The following MARCHF5 variants were observed in gnomAD, a reference collection of about 807,000 sequenced individuals.
The protein encoded by MARCHF5 is membrane associated ring-CH-type finger 5, also known as E3 ubiquitin-protein ligase MARCHF5.
MARCHF5 carries 5 observed loss-of-function variants against 36.5 expected under a neutral mutation model. The ratio of observed to expected loss-of-function variants is 0.14; its 90% confidence interval spans 0.07 to 0.29. The LOEUF (loss-of-function observed/expected upper bound fraction) is 0.29, where lower values mean the gene tolerates loss of function less well. Among genes scored for constraint, MARCHF5 ranks in the 10% least tolerant of loss-of-function variants. The probability of loss-of-function intolerance (pLI) is 1.00; values close to 1 mark genes in which losing one functional copy is unlikely to be tolerated. For synonymous variants in MARCHF5, 103 were observed against 109.9 expected (o/e 0.94, Z 0.39); for missense variants, 179 against 336.3 (o/e 0.53, Z 3.66).
intron 1 of MARCHF5, among the ~76,000 whole-genome samples, chr10:92,302,173 T>TC (rs1843023440): frequency 6.6e-6 from 1 of 152,208 alleles, no homozygotes. Context: ...CTCTTTTTTT[T>TC]CCAAATGTAT....
chr10:92,314,475 C>T (rs1262808971), intron 2 of MARCHF5, among the ~76,000 whole-genome samples: 1 of 152,034 alleles, frequency 6.6e-6, no homozygotes, highest in Non-Finnish European at 1.5e-5. Context: ...AACCTTGTGT[C>T]TACTAAAAAT....
Position 92,291,201 on chromosome 10 carries a change from T to G in MARCHF5, c.-294T>G, listed in dbSNP as rs897099535. 3 of 510,336 alleles carry G rather than the reference T, an allele frequency of 5.9e-6. No homozygotes were observed. Among genetic ancestry groups the G allele is most frequent in the Admixed American group, 4.1e-5 (1 of 24,558 alleles). The allele number at this position is 510,336 out of a possible 1,614,324, so 31.6% of individuals were successfully genotyped here. A position where few individuals can be genotyped will look rare whatever the true frequency, so the allele number is the denominator to read the frequency against. On this transcript the variant is annotated 5_prime_UTR_variant, in exon 1 of 6. Transcript: ENST00000358935. ...AGGTAGCTCCTCCGCCGGCAGCAAC[T>G]CGGCGCCCGCGGTCCATGGACCGGA...
chr10:92,326,774 T>G (rs1012468359), intron 2 of MARCHF5, among the ~76,000 whole-genome samples: 2 of 147,960 alleles, frequency 1.4e-5, no homozygotes, highest in African/African-American at 5.3e-5. Flanking sequence ...CTGCAATATC[T>G]CATAAGCAGT....
intron 1 of MARCHF5, among the ~76,000 whole-genome samples, chr10:92,295,403 A>ATTTTTTTTTTTTTTTT (rs1218569309): frequency 1.5e-5 from 1 of 67,584 alleles, no homozygotes; most frequent in Non-Finnish European, 3.2e-5. Context: ...TTATTTATTT[A>ATTTTTTTTTTTTTTTT]TTTATTTTTT....
intron 2 of MARCHF5, among the ~76,000 whole-genome samples, chr10:92,325,869 A>T (rs528776451): frequency 2.6e-5 from 4 of 152,204 alleles, no homozygotes; most frequent in Non-Finnish European, 5.9e-5. Flanking sequence ...AATAGAGATG[A>T]GGTTTCACCA....
Position 92,347,532 on chromosome 10 carries a change from T to TAGATAG in MARCHF5, c.370-1816_370-1815insGATAGA, listed in dbSNP as rs1564955003. Reference sequence around the variant, plus strand: ...TAGATAGATAGATAGATGATAGATATATAGATAGATAGATAGATAGATAGA... The same window carrying TAGATAG: ...TAGATAGATAGATAGATGATAGATATAGATAGATAGATAGATAGATAGATAGATAGA... On this transcript the variant is annotated intron_variant, in intron 3 of 5. Coordinates refer to ENST00000358935, the MANE Select transcript of MARCHF5 (RefSeq NM_017824.5). Among the ~76,000 whole-genome samples, 1,020 of 119,768 alleles carry TAGATAG rather than the reference T, an allele frequency of 8.5e-3. 30 individuals are homozygous for TAGATAG. The highest frequency in any genetic ancestry group is 0.013 in the East Asian group (57 of 4,260). 78.6% of individuals were successfully genotyped at this position (119,768 alleles called of 152,430 possible). A position where few individuals can be genotyped will look rare whatever the true frequency, so the allele number is the denominator to read the frequency against.
chr10:92,305,345 T>C (rs1211336603), intron 1 of MARCHF5, among the ~76,000 whole-genome samples: 1 of 151,734 alleles, frequency 6.6e-6, no homozygotes, highest in Non-Finnish European at 1.5e-5. Context: ...AGGCAGAGGT[T>C]GCAGTGAGCT....
intron 3 of MARCHF5, among the ~76,000 whole-genome samples, chr10:92,341,769 T>C (rs1487962889): frequency 3.3e-5 from 5 of 150,482 alleles, no homozygotes; most frequent in Admixed American, 2.0e-4. Flanking sequence ...TTCCCATCTA[T>C]AGTTTACATC....
Position 92,326,309 on chromosome 10 carries a change from T to G in MARCHF5, c.239-14364T>G, listed in dbSNP as rs542167151. ...ATGTCGATCACTTTGCCTATATTAT[T>G]TAAACCTCTCGAAAGCTCTGCATAA... On this transcript the variant is annotated intron_variant, in intron 2 of 5. Transcript: ENST00000358935. Among the ~76,000 whole-genome samples the G allele has an allele frequency of 1.5e-4, 23 of 152,334 alleles. No homozygotes were observed. The South Asian group carries it at 4.8e-3, about 32-fold the overall frequency.
Position 92,349,541 on chromosome 10 carries a change from CT to C in MARCHF5, c.553+10del. 1 of 1,610,856 alleles carries C rather than the reference CT, an allele frequency of 6.2e-7. No individual in the cohort carries two copies. The highest frequency in any genetic ancestry group is 1.3e-5 in the African/African-American group (1 of 74,960). ...AAATAGTATATTTCCAGGTAAGGCA[CT>C]GAACTGTGGTTGTAAAGTGCATACC... is the stretch of plus-strand genomic sequence containing the variant. On this transcript the variant is annotated intron_variant, in intron 4 of 5. Transcript: ENST00000358935.
At chr10:92,329,924 TAA>T (rs1360648084) in intron 2 of MARCHF5, among the ~76,000 whole-genome samples, 2 of 152,158 alleles carry the variant, frequency 1.3e-5, no homozygotes, top group Non-Finnish European at 2.9e-5. Context: ...TGGCTCACTG[TAA>T]CCTCCGCCTC....
chr10:92,319,224 C>T (rs1343498431), intron 2 of MARCHF5, among the ~76,000 whole-genome samples: 1 of 151,990 alleles, frequency 6.6e-6, no homozygotes, highest in Non-Finnish European at 1.5e-5. Context: ...AAAAATATAA[C>T]ATGTAACAGT....
chr10:92,318,873 A>G (rs1482082170), intron 2 of MARCHF5, among the ~76,000 whole-genome samples: 1 of 151,564 alleles, frequency 6.6e-6, no homozygotes, highest in Non-Finnish European at 1.5e-5. Context: ...AGCCTGGCTA[A>G]TTTTTGTATT....
intron 1 of MARCHF5, among the ~76,000 whole-genome samples, chr10:92,300,649 T>C (rs1016052912): frequency 6.6e-6 from 1 of 152,206 alleles, no homozygotes; most frequent in Admixed American, 6.5e-5. Flanking sequence ...TCTTTATGAA[T>C]AAGTGTATAA....
chr10:92,297,149 A>C (rs571759277), intron 1 of MARCHF5, among the ~76,000 whole-genome samples: 3 of 151,642 alleles, frequency 2.0e-5, no homozygotes, highest in Non-Finnish European at 4.4e-5. Context: ...TATATAGAAA[A>C]GTATATTAAT....
intron 2 of MARCHF5, among the ~76,000 whole-genome samples, chr10:92,334,275 G>C (rs1843476362): frequency 6.6e-6 from 1 of 152,208 alleles, no homozygotes; most frequent in Non-Finnish European, 1.5e-5. Flanking sequence ...ATGGGAACTT[G>C]AGTGGCTTCT....
intron 2 of MARCHF5, among the ~76,000 whole-genome samples, chr10:92,323,016 G>A (rs916615451): frequency 6.6e-6 from 1 of 152,018 alleles, no homozygotes. Flanking sequence ...GATTACAGGC[G>A]TGAGCCACCG....
intron 1 of MARCHF5, among the ~76,000 whole-genome samples, chr10:92,305,367 A>G (rs1199297345): frequency 6.6e-6 from 1 of 152,086 alleles, no homozygotes; most frequent in African/African-American, 2.4e-5. Context: ...AGATCGCACC[A>G]CTGTACTCCA....
At chr10:92,337,563 AT>A (rs1332540539) in intron 2 of MARCHF5, among the ~76,000 whole-genome samples, 1 of 152,170 alleles carries the variant, frequency 6.6e-6, no homozygotes, top group African/African-American at 2.4e-5. Context: ...CTTCTGGGGA[AT>A]TTTGTTGCAA....
Sources: gnomAD v4.1 joint callset for allele counts (sites outside exome capture counted in the v4.1 genomes callset) on GRCh38, gnomAD v4.1.1 for gene constraint, MANE v1.5 for transcripts, NCBI Gene and HGNC (gene_info 2026-07-23, HGNC 2026-07-21) for gene names.